PGM1: variants seen among roughly 807,000 people sequenced by gnomAD.
PGM1 encodes the protein phosphoglucomutase-1.
A neutral mutation model predicts 55.6 loss-of-function variants in PGM1; 52 were observed. The ratio of observed to expected loss-of-function variants is 0.94; its 90% CI spans 0.75 to 1.18. The LOEUF is 1.18. PGM1 is among the 50% of genes most tolerant of loss of function. The probability of loss-of-function intolerance (pLI) is 0.00; values close to 1 mark genes in which losing one functional copy is unlikely to be tolerated. For missense variants in PGM1, 724 were observed against 729.3 expected, an observed-to-expected ratio of 0.99 and a Z score of 0.08; for synonymous variants, 287 against 271.7, an observed-to-expected ratio of 1.06 and a Z score of -0.55.
chr1:63,653,985 G>C (rs1448035190), intron 9 of PGM1, among the ~76,000 whole-genome samples: 2 of 152,108 alleles, frequency 1.3e-5, no homozygotes, highest in Non-Finnish European at 2.9e-5. Flanking sequence ...TTTGCATCTA[G>C]CAGCTTTATG....
At chr1:63,648,096 A>C (rs1649701990) in intron 7 of PGM1, among the ~76,000 whole-genome samples, 1 of 152,148 alleles carries the variant, frequency 6.6e-6, no homozygotes, top group South Asian at 2.1e-4. Context: ...GTACTGTATT[A>C]GTCTGTTCTC....
intron 7 of PGM1, among the ~76,000 whole-genome samples, chr1:63,642,097 G>A (rs576779815): frequency 6.6e-6 from 1 of 152,222 alleles, no homozygotes; most frequent in South Asian, 2.1e-4. Flanking sequence ...CCACAGTCCA[G>A]GGTTGGGAAC....
chr1:63,651,038 C>A (rs116552955), intron 8 of PGM1, among the ~76,000 whole-genome samples: 2,147 of 151,786 alleles, frequency 0.014, 56 homozygotes, highest in African/African-American at 0.05. Flanking sequence ...CAAACCTGCA[C>A]GTTCTGCACA....
At chr1:63,632,562 A>G (rs917834038) in intron 4 of PGM1, among the ~76,000 whole-genome samples, 2 of 152,180 alleles carry the variant, frequency 1.3e-5, no homozygotes, top group South Asian at 4.1e-4. Flanking sequence ...GAATGGATCT[A>G]CTTCCTTACT....
chr1:63,656,054 AG>A (rs1649956391), intron 10 of PGM1: 1 of 152,258 alleles, frequency 6.6e-6, no homozygotes, highest in Non-Finnish European at 1.5e-5. Context: ...CTCTAAAAAA[AG>A]AAAAGGAAAG....
chr1:63,653,776 A>G (rs1169913104), intron 9 of PGM1, among the ~76,000 whole-genome samples: 2 of 152,196 alleles, frequency 1.3e-5, no homozygotes, highest in Non-Finnish European at 2.9e-5. Context: ...AGGGATTGGC[A>G]GGAGATTGGC....
At chr1:63,608,934 T>C (rs1021486586) in intron 1 of PGM1, among the ~76,000 whole-genome samples, 1 of 152,228 alleles carries the variant, frequency 6.6e-6, no homozygotes, top group African/African-American at 2.4e-5. Flanking sequence ...GCACTTGTTA[T>C]AGGGCCTGAC....
intron 7 of PGM1, among the ~76,000 whole-genome samples, 179 bp downstream of exon 7, chr1:63,638,979 A>G (rs1357286488): frequency 6.6e-6 from 1 of 152,174 alleles, no homozygotes; most frequent in Non-Finnish European, 1.5e-5. Context: ...GAGCACATTC[A>G]GCCAGAAAGG....
At chr1:63,605,860 C>T (rs754078956) in intron 1 of PGM1, among the ~76,000 whole-genome samples, 2 of 152,204 alleles carry the variant, frequency 1.3e-5, no homozygotes, top group Non-Finnish European at 1.5e-5. Flanking sequence ...GTGTGAGCCA[C>T]CGCACCTAGC....
chr1:63,623,783 T>G, intron 1 of PGM1: 1 of 1,549,480 alleles, frequency 6.5e-7, no homozygotes, highest in East Asian at 2.3e-5. Flanking sequence ...TAAGTATTGT[T>G]ATGTTTCTGG....
intron 1 of PGM1, among the ~76,000 whole-genome samples, chr1:63,604,917 CTGTGTGTGTGTGT>C (rs1457121755): frequency 1.6e-3 from 190 of 118,834 alleles, no homozygotes; most frequent in East Asian, 7.5e-3. Context: ...TTACATAACT[CTGTGTGTGTGTGT>C]GTGTGTGTGT....
intron 1 of PGM1, among the ~76,000 whole-genome samples, chr1:63,620,444 C>T (rs1476226970): frequency 6.6e-6 from 1 of 152,118 alleles, no homozygotes; most frequent in African/African-American, 2.4e-5. Context: ...GTGCTTATGC[C>T]TGGAAATAGG....
At chr1:63,629,252 T>G (rs934130720) in intron 1 of PGM1, among the ~76,000 whole-genome samples, 173 bp from the exon 2 acceptor site, 2 of 152,196 alleles carry the variant, frequency 1.3e-5, no homozygotes, top group Admixed American at 1.3e-4. Context: ...TCTATTTCAG[T>G]AATATGGTGG....
In PGM1 at chr1:63,631,830, T is replaced by G. The variant is rs764664924; in HGVS notation, c.682+48T>G. Reference sequence around the variant, plus strand: ...TTCCCATCTCTTGAGGATAGGAAGTTGCCCTCTTCTGTGTGTATCATGATG... The same window carrying G: ...TTCCCATCTCTTGAGGATAGGAAGTGGCCCTCTTCTGTGTGTATCATGATG... On this transcript the variant is annotated intron_variant, in intron 4 of 10. Coordinates refer to ENST00000371084, the MANE Select transcript of PGM1 (RefSeq NM_002633.3). The G allele has an allele frequency of 4.4e-6, 7 of 1,578,688 alleles. No individual in the cohort carries two copies. In the South Asian group the frequency reaches 7.8e-5, roughly 17 times the overall value.
chr1:63,648,116 T>C (rs1649702485), intron 7 of PGM1, among the ~76,000 whole-genome samples: 1 of 152,154 alleles, frequency 6.6e-6, no homozygotes, highest in Non-Finnish European at 1.5e-5. Context: ...CACACTGCTA[T>C]AAAGAACTAC....
chr1:63,631,567 A>G (rs1382179644), intron 3 of PGM1, 90 bp from the exon 4 acceptor site: 2 of 1,215,962 alleles, frequency 1.6e-6, no homozygotes, highest in African/African-American at 3.0e-5. Flanking sequence ...AAATAGCAAT[A>G]GCAGGTTTAC....
intron 1 of PGM1, among the ~76,000 whole-genome samples, chr1:63,599,150 G>A (rs1648162582): frequency 6.6e-6 from 1 of 152,078 alleles, no homozygotes; most frequent in African/African-American, 2.4e-5. Context: ...GGATGACTTG[G>A]CAGAGAAACA....
intron 1 of PGM1, chr1:63,623,581 C>A (rs373963576): frequency 6.2e-7 from 1 of 1,612,756 alleles, no homozygotes; most frequent in Non-Finnish European, 8.5e-7. Flanking sequence ...AAGTGGATTA[C>A]GGAAGAAAAC....
At chr1:63,648,929 A>G (rs947399787) in intron 8 of PGM1, among the ~76,000 whole-genome samples, 5 of 152,246 alleles carry the variant, frequency 3.3e-5, no homozygotes, top group African/African-American at 4.8e-5. Flanking sequence ...GGACATGATC[A>G]TAACATTGGA....
Sources: gnomAD v4.1 joint callset for allele counts (sites outside exome capture counted in the v4.1 genomes callset) on GRCh38, gnomAD v4.1.1 for gene constraint, MANE v1.5 for transcripts, NCBI Gene and HGNC (gene_info 2026-07-23, HGNC 2026-07-21) for gene names.